The following PEAK1 variants were observed in gnomAD, a reference collection of about 807,000 sequenced individuals.
PEAK1 encodes the protein inactive tyrosine-protein kinase PEAK1.
In PEAK1, 54 loss-of-function variants were observed where a neutral mutation model predicts 124.7. That is an observed-to-expected ratio of 0.43 (90% CI 0.35 to 0.54). The LOEUF (loss-of-function observed/expected upper bound fraction) is 0.54. Ranked by LOEUF, PEAK1 falls within the 20% of genes least tolerant of loss-of-function variation. The pLI, the probability that PEAK1 is intolerant of heterozygous loss-of-function variation, is 0.01. For synonymous variants in PEAK1, 719 were observed against 760.0 expected (o/e 0.95, Z 0.89); for missense variants, 2,046 against 2,134.5 (o/e 0.96, Z 0.82).
intron 5 of PEAK1, among the ~76,000 whole-genome samples, chr15:77,258,113 C>A (rs1196028633): frequency 2.0e-5 from 3 of 152,124 alleles, no homozygotes; most frequent in Admixed American, 2.0e-4. Context: ...CAGTACCATG[C>A]TGTTTTGGTT....
At chr15:77,263,252 T>A (rs2152941910) in intron 5 of PEAK1, among the ~76,000 whole-genome samples, 1 of 151,770 alleles carries the variant, frequency 6.6e-6, no homozygotes, top group African/African-American at 2.4e-5. Context: ...ATAACTAAGA[T>A]CAGAGCAGAA....
At chr15:77,303,523 T>G (rs551389311) in intron 2 of PEAK1, among the ~76,000 whole-genome samples, 10 of 152,214 alleles carry the variant, frequency 6.6e-5, no homozygotes, top group Non-Finnish European at 1.3e-4. Context: ...TCTTTTTAAG[T>G]GCTAATTTTG....
chr15:77,152,227 G>A (rs1397371884), intron 8 of PEAK1, among the ~76,000 whole-genome samples: 2 of 152,054 alleles, frequency 1.3e-5, no homozygotes. Flanking sequence ...TGGATTCCTA[G>A]GTATTTTATT....
At chr15:77,402,849 A>G in intron 1 of PEAK1, 1 of 985,412 alleles carries the variant, frequency 1.0e-6, no homozygotes, top group East Asian at 1.1e-4. Context: ...GCCCTAACGA[A>G]TGGGAAATAT....
At chr15:77,414,174 CCTTTCCTTCTGT>C (rs2072655488) in intron 1 of PEAK1, among the ~76,000 whole-genome samples, 1 of 150,600 alleles carries the variant, frequency 6.6e-6, no homozygotes, top group South Asian at 2.1e-4. Context: ...CTCTTTCCTT[CCTTTCCTTCTGT>C]CTTTCCTTCC....
intron 5 of PEAK1, among the ~76,000 whole-genome samples, chr15:77,266,670 C>T (rs894820535): frequency 2.0e-5 from 3 of 152,112 alleles, no homozygotes; most frequent in Non-Finnish European, 4.4e-5. Context: ...AGATAACAGA[C>T]ATAAGAATTA....
At chr15:77,402,015 A>C (rs750020560) in intron 1 of PEAK1, 37 of 763,858 alleles carry the variant, frequency 4.8e-5, no homozygotes, top group Non-Finnish European at 5.7e-5. Flanking sequence ...CCTGGCCAAC[A>C]TGGTGAAACC....
At chr15:77,335,134 A>G (rs891888460) in intron 2 of PEAK1, 1 of 985,488 alleles carries the variant, frequency 1.0e-6, no homozygotes, top group South Asian at 4.7e-5. Flanking sequence ...AAGAGCCAAG[A>G]GAGGGATTTA....
chr15:77,127,208 A>T (rs1185336544), intron 9 of PEAK1, among the ~76,000 whole-genome samples: 1 of 152,208 alleles, frequency 6.6e-6, no homozygotes, highest in Non-Finnish European at 1.5e-5. Context: ...TCTGTAAGCC[A>T]GGAAGAGAGC....
intron 7 of PEAK1, among the ~76,000 whole-genome samples, chr15:77,164,898 T>C (rs1343927577): frequency 6.6e-6 from 1 of 151,632 alleles, no homozygotes. Flanking sequence ...TTGAACAGGC[T>C]TTCTTTCTTT....
chr15:77,301,784 A>G (rs1300678400), intron 2 of PEAK1, among the ~76,000 whole-genome samples: 2 of 152,078 alleles, frequency 1.3e-5, no homozygotes, highest in East Asian at 3.9e-4. Context: ...TGGAGTGGAG[A>G]GTTTTGCCTC....
intron 2 of PEAK1, among the ~76,000 whole-genome samples, chr15:77,345,092 A>G (rs944440240): frequency 1.2e-5 from 1 of 83,258 alleles, no homozygotes; most frequent in African/African-American, 3.0e-5. Context: ...AAGTGGTGAG[A>G]GCAGGCATCC....
chr15:77,234,429 T>C (rs2060028953), intron 6 of PEAK1, among the ~76,000 whole-genome samples: 1 of 152,178 alleles, frequency 6.6e-6, no homozygotes, highest in African/African-American at 2.4e-5. Context: ...TTTAACACAA[T>C]TGTTTACTTA....
intron 6 of PEAK1, among the ~76,000 whole-genome samples, chr15:77,215,941 C>T (rs2059131901): frequency 6.6e-6 from 1 of 151,968 alleles, no homozygotes; most frequent in South Asian, 2.1e-4. Flanking sequence ...TTTGTCAATA[C>T]CAGACTGTTT....
At chr15:77,193,722 C>T (rs936384069) in intron 6 of PEAK1, among the ~76,000 whole-genome samples, 2 of 152,000 alleles carry the variant, frequency 1.3e-5, no homozygotes, top group African/African-American at 2.4e-5. Context: ...GAGAATTGCT[C>T]GAACCTGGAA....
chr15:77,418,864 T>G, intron 1 of PEAK1: 1 of 985,248 alleles, frequency 1.0e-6, no homozygotes, highest in Non-Finnish European at 1.2e-6. Flanking sequence ...CAAAAATCAG[T>G]AAGTAGGCCC....
chr15:77,197,845 A>AT (rs1189014327), intron 6 of PEAK1, among the ~76,000 whole-genome samples: 3 of 152,084 alleles, frequency 2.0e-5, no homozygotes, highest in African/African-American at 7.2e-5. Flanking sequence ...TTACATATGG[A>AT]TTTTTTCAAT....
At chr15:77,250,177 ATATG>A (rs1481355622) in intron 6 of PEAK1, among the ~76,000 whole-genome samples, 21 of 113,808 alleles carry the variant, frequency 1.8e-4, no homozygotes, top group African/African-American at 5.4e-4. Flanking sequence ...ATATATATGT[ATATG>A]TATATATATA....
At chr15:77,152,873 C>A (rs2054778685) in intron 8 of PEAK1, among the ~76,000 whole-genome samples, 1 of 152,100 alleles carries the variant, frequency 6.6e-6, no homozygotes, top group South Asian at 2.1e-4. Flanking sequence ...TTTTGATGTG[C>A]TGCTGGATTC....
Sources: allele counts gnomAD v4.1 joint callset (sites outside exome capture counted in the v4.1 genomes callset), GRCh38; gene constraint gnomAD v4.1.1; transcripts MANE v1.5; gene names NCBI Gene and HGNC (gene_info 2026-07-23, HGNC 2026-07-21).